The following EML6 variants were observed in gnomAD, a reference collection of about 807,000 sequenced individuals.
EML6 encodes the protein EMAP like 6.
Under a neutral mutation model 240.1 loss-of-function variants are expected in EML6, and 154 were observed. The ratio of observed to expected loss-of-function variants is 0.64; its 90% confidence interval spans 0.56 to 0.73. The LOEUF (loss-of-function observed/expected upper bound fraction) is 0.73, where lower values mean the gene tolerates loss of function less well. Among genes scored for constraint, EML6 ranks in the 30% least tolerant of loss-of-function variants. EML6 has a pLI of 0.00. For synonymous variants in EML6, 1,148 were observed against 899.0 expected (o/e 1.28, Z -4.95); for missense variants, 2,964 against 2,474.6 (o/e 1.20, Z -4.20).
intron 30 of EML6, among the ~76,000 whole-genome samples, chr2:54,951,203 A>G (rs561156499): frequency 6.6e-6 from 1 of 152,318 alleles, no homozygotes; most frequent in South Asian, 2.1e-4. Context: ...CAGTTTAGCC[A>G]CATTTATAAT....
Position 54,731,024 on chromosome 2 carries a change from C to T in EML6, c.197+5766C>T, listed in dbSNP as rs148389289. Among the ~76,000 whole-genome samples the T allele has an allele frequency of 2.3e-3, 353 of 152,206 alleles. 7 individuals carry two copies. The highest frequency in any genetic ancestry group is 2.7e-3 in the Non-Finnish European group (183 of 68,010). Reference sequence around the variant, plus strand: ...CTGGGTTGAATGGGGGTATGGAAGCCACCTTAGGCAAGATTTCCAGAGCAG... The same window carrying T: ...CTGGGTTGAATGGGGGTATGGAAGCTACCTTAGGCAAGATTTCCAGAGCAG... On this transcript the variant is annotated intron_variant, in intron 2 of 41. Transcript: ENST00000356458.
At chr2:54,899,999 T>G (rs1013731685) in intron 22 of EML6, among the ~76,000 whole-genome samples, 1 of 152,212 alleles carries the variant, frequency 6.6e-6, no homozygotes, top group Non-Finnish European at 1.5e-5. Flanking sequence ...TCACTTCATT[T>G]TCCTTGCACT....
At chr2:54,747,753 C>A (rs1160218144) in intron 2 of EML6, among the ~76,000 whole-genome samples, 3 of 152,124 alleles carry the variant, frequency 2.0e-5, no homozygotes, top group African/African-American at 4.8e-5. Flanking sequence ...TGATTGATTT[C>A]ATCCCATGTT....
intron 2 of EML6, among the ~76,000 whole-genome samples, chr2:54,793,909 G>A (rs1403295766): frequency 1.3e-5 from 2 of 152,128 alleles, no homozygotes; most frequent in African/African-American, 4.8e-5. Context: ...CTAGGAGACA[G>A]TTCTCCTTCT....
rs1159400908 is a variant in EML6 at position 54,892,600 on chromosome 2, C to T, written c.2686C>T (p.Leu896=). Residue 896 remains leucine (L), a synonymous_variant, in exon 19 of 42, where the codon CTG becomes TTG. Coordinates refer to ENST00000356458, the MANE Select transcript of EML6 (RefSeq NM_001039753.4). The stretch of plus-strand genomic sequence containing the variant: ...TTTTATTTGGAAAGACATTCTACTA[C>T]TGAAGACAGTGAAAGCTCATGATGG... ...DIFIWKDILL[L]KTVKAHDGPV... 1 of 1,551,762 alleles carries T rather than the reference C, an allele frequency of 6.4e-7. No individual in the cohort carries two copies. Among genetic ancestry groups the T allele is most frequent in the Non-Finnish European group, 8.7e-7 (1 of 1,146,846 alleles).
At position 54,837,852 on chromosome 2, in the gene EML6, G is replaced by C. The variant is rs550589674; in HGVS notation, c.848-6195G>C. Among the ~76,000 whole-genome samples, 6 of 152,304 alleles carry C rather than the reference G, an allele frequency of 3.9e-5. No homozygotes were observed. In the South Asian group the frequency reaches 6.2e-4, roughly 16 times the overall value. On this transcript the variant is annotated intron_variant, in intron 7 of 41. Transcript: ENST00000356458. Reference sequence around the variant, plus strand: ...TCTGTGTCTTTTAAATGCTCTCTCTGTAGATTCTGGTGTACATTGAGGGTT... The same window carrying C: ...TCTGTGTCTTTTAAATGCTCTCTCTCTAGATTCTGGTGTACATTGAGGGTT...
intron 33 of EML6, 84 bp from the exon 34 acceptor site, chr2:54,959,020 T>C: frequency 7.6e-7 from 1 of 1,313,056 alleles, no homozygotes; most frequent in South Asian, 1.5e-5. Context: ...TCTCTAGCTC[T>C]GGTTCCTTAA....
At chr2:54,728,117 T>C (rs1682989970) in intron 2 of EML6, among the ~76,000 whole-genome samples, 1 of 152,242 alleles carries the variant, frequency 6.6e-6, no homozygotes, top group Non-Finnish European at 1.5e-5. Flanking sequence ...TGCCATATTT[T>C]AGACCTGATA....
chr2:54,810,731 A>G (rs1667798911), intron 2 of EML6, among the ~76,000 whole-genome samples: 1 of 152,122 alleles, frequency 6.6e-6, no homozygotes, highest in South Asian at 2.1e-4. Flanking sequence ...GTATTTTGTT[A>G]ATGCCTACTC....
intron 2 of EML6, among the ~76,000 whole-genome samples, chr2:54,811,397 C>A (rs936339781): frequency 6.6e-6 from 1 of 152,212 alleles, no homozygotes; most frequent in African/African-American, 2.4e-5. Flanking sequence ...CGTGAATCCC[C>A]TTTGCACCTT....
At chr2:54,762,390 C>T (rs760911735) in intron 2 of EML6, among the ~76,000 whole-genome samples, 1 of 152,058 alleles carries the variant, frequency 6.6e-6, no homozygotes, top group East Asian at 1.9e-4. Context: ...ATGGTAAAAT[C>T]GATCATTAAA....
chr2:54,920,709 A>C (rs186496341), intron 26 of EML6, among the ~76,000 whole-genome samples: 1 of 152,328 alleles, frequency 6.6e-6, no homozygotes. Context: ...AGGACATTAC[A>C]AGAAAACTAC....
intron 14 of EML6, chr2:54,867,659 G>A: frequency 6.6e-6 from 1 of 152,414 alleles, no homozygotes; most frequent in Non-Finnish European, 1.5e-5. Context: ...TTGAGGTTGG[G>A]GAATCACCTG....
In EML6 at chr2:54,844,051, C is replaced by T; in HGVS notation, c.852C>T (p.Leu284=). The part of the protein sequence containing the change: ...LRETEQGYKG[L]SIRSVCWKAD... ...TGTTTTACTTATTTTTGTCAGGCCT[C>T]TCTATCCGGAGCGTGTGCTGGAAAG... The change falls in exon 8 of 42, where the codon CTC becomes CTT. Residue 284 remains leucine, a synonymous_variant. Coordinates refer to ENST00000356458, the MANE Select transcript of EML6 (RefSeq NM_001039753.4). 6.5e-7 allele frequency: 1 copy of T among 1,547,108 alleles called. No homozygotes were observed. Among genetic ancestry groups the T allele is most frequent in the South Asian group, 1.2e-5 (1 of 83,946 alleles).
chr2:54,737,708 A>G (rs1019311560), intron 2 of EML6, among the ~76,000 whole-genome samples: 1 of 152,186 alleles, frequency 6.6e-6, no homozygotes, highest in African/African-American at 2.4e-5. Flanking sequence ...TCTGGTTACA[A>G]TAAGTAATTG....
intron 25 of EML6, among the ~76,000 whole-genome samples, chr2:54,915,387 A>G (rs1041698251): frequency 6.6e-5 from 10 of 152,106 alleles, no homozygotes; most frequent in Admixed American, 4.6e-4. Flanking sequence ...AAGGGAGTCA[A>G]TGGCCAAAAG....
Position 54,774,617 on chromosome 2 carries a change from G to C in EML6, c.198-38615G>C, listed in dbSNP as rs957136152. 6.6e-6 allele frequency among the ~76,000 whole-genome samples: 1 copy of C among 152,210 alleles called. No individual in the cohort carries two copies. The highest frequency in any genetic ancestry group is 1.5e-5 in the Non-Finnish European group (1 of 68,042). On this transcript the variant is annotated intron_variant, in intron 2 of 41. Transcript: ENST00000356458. This position sits in a 1 kb window ranked among gnomAD's most constrained non-coding sequence, Gnocchi z 4.1. ...TAAAATAAAACATAGAGGTCCTTTTGCAAGAGGACCTGGCTTATGGTAAGC... is the reference window on the plus strand; with the variant it reads ...TAAAATAAAACATAGAGGTCCTTTTCCAAGAGGACCTGGCTTATGGTAAGC...
intron 2 of EML6, among the ~76,000 whole-genome samples, chr2:54,790,985 A>G (rs1415807719): frequency 2.0e-5 from 3 of 151,950 alleles, no homozygotes; most frequent in Non-Finnish European, 4.4e-5. Context: ...TCGGCCTCCC[A>G]AAGTGCTGGA....
chr2:54,952,636 G>A lies in EML6; in HGVS notation c.4256G>A (p.Cys1419Tyr), dbSNP rs1450869564. ...CTGGAGCACACAGATGACATCCTCT[G>A]TCTCACAGTGAACCAGCACCCCAAG... Reference protein sequence around the residue: ...FYLEHTDDILCLTVNQHPKYR... With the variant: ...FYLEHTDDILYLTVNQHPKYR... The change falls in exon 31 of 42, where the codon TGT (cysteine) becomes TAT (tyrosine). Residue 1419 changes from cysteine (C) to tyrosine (Y), a missense_variant. By Grantham distance (194) the Cys-to-Tyr change is radical. Coordinates refer to ENST00000356458, the MANE Select transcript of EML6 (RefSeq NM_001039753.4). 6.4e-7 allele frequency: 1 copy of A among 1,551,422 alleles called. No individual in the cohort carries two copies. Among genetic ancestry groups the A allele is most frequent in the South Asian group, 1.2e-5 (1 of 84,058 alleles).
Sources: allele counts gnomAD v4.1 joint callset (sites outside exome capture counted in the v4.1 genomes callset), GRCh38; gene constraint gnomAD v4.1.1; non-coding constraint Gnocchi (gnomAD v3.1); transcripts MANE v1.5; gene names NCBI Gene and HGNC (gene_info 2026-07-23, HGNC 2026-07-21).